The following CTNNA3 variants were observed in gnomAD, a reference collection of about 807,000 sequenced individuals.
CTNNA3 encodes the protein catenin alpha-3.
A neutral mutation model predicts 95.7 loss-of-function variants in CTNNA3; 76 were observed. The observed-to-expected ratio is 0.79, with a 90% CI of 0.66 to 0.96. CTNNA3 has a LOEUF of 0.96. Ranked by LOEUF, CTNNA3 falls within the 40% of genes least tolerant of loss-of-function variation. The pLI is 0.00. For synonymous variants in CTNNA3, 431 were observed against 374.4 expected (o/e 1.15, Z -1.74); for missense variants, 1,191 against 1,089.8 (o/e 1.09, Z -1.31).
intron 13 of CTNNA3, among the ~76,000 whole-genome samples, chr10:66,120,994 C>A (rs1283188743): frequency 1.3e-5 from 2 of 152,156 alleles, no homozygotes; most frequent in African/African-American, 4.8e-5. Context: ...GGTTTTCATA[C>A]ATTTCAAGCT....
intron 2 of CTNNA3, among the ~76,000 whole-genome samples, chr10:67,620,227 C>T (rs1359876723): frequency 6.6e-6 from 1 of 152,146 alleles, no homozygotes; most frequent in African/African-American, 2.4e-5. Context: ...GAACGCCCCA[C>T]AAAGCATATA....
chr10:67,604,108 G>A (rs936177650), intron 3 of CTNNA3, among the ~76,000 whole-genome samples: 6 of 152,194 alleles, frequency 3.9e-5, no homozygotes, highest in African/African-American at 1.4e-4. Flanking sequence ...GGATGCCTAG[G>A]TGTGTTGTAG....
At chr10:67,199,121 G>A (rs1324721279) in intron 6 of CTNNA3, among the ~76,000 whole-genome samples, 2 of 151,938 alleles carry the variant, frequency 1.3e-5, no homozygotes, top group Admixed American at 1.3e-4. Context: ...AGGAGGAACT[G>A]GGAAAAGAGA....
intron 9 of CTNNA3, among the ~76,000 whole-genome samples, chr10:66,695,655 A>G (rs1264268905): frequency 2.0e-5 from 3 of 152,198 alleles, no homozygotes; most frequent in Non-Finnish European, 4.4e-5. Flanking sequence ...CAAGGAAAGA[A>G]GTGATCCTGT....
intron 9 of CTNNA3, among the ~76,000 whole-genome samples, chr10:66,678,115 C>A (rs184607590): frequency 4.7e-4 from 71 of 152,258 alleles, no homozygotes; most frequent in African/African-American, 1.6e-3. Flanking sequence ...ATAATAATGA[C>A]AATGACAACA....
chr10:66,150,565 G>T (rs2133904306), intron 13 of CTNNA3, among the ~76,000 whole-genome samples: 1 of 151,746 alleles, frequency 6.6e-6, no homozygotes, highest in African/African-American at 2.4e-5. Context: ...TTTGATACCA[G>T]CATACGATGT....
chr10:67,661,200 T>A (rs763529825), intron 1 of CTNNA3, among the ~76,000 whole-genome samples: 1 of 148,418 alleles, frequency 6.7e-6, no homozygotes, highest in Non-Finnish European at 1.5e-5. Flanking sequence ...TAAAAAGTGA[T>A]GTATTCCCAA....
intron 13 of CTNNA3, among the ~76,000 whole-genome samples, chr10:66,136,677 T>C (rs1227542125): frequency 1.3e-5 from 2 of 151,994 alleles, no homozygotes; most frequent in African/African-American, 4.8e-5. Flanking sequence ...CTTCCAGCTA[T>C]TAATGTGACA....
Position 65,965,068 on chromosome 10 carries a change from T to A in CTNNA3, c.2400+1544A>T, listed in dbSNP as rs944179745. ...TGTTTATGTGGGATTTTTGATAAAA[T>A]TTGAATATCAAAGACACTATTTTTC... On this transcript the variant is annotated intron_variant, in intron 17 of 17. Transcript: ENST00000433211. Among the ~76,000 whole-genome samples, 7 of 152,312 alleles carry A rather than the reference T, an allele frequency of 4.6e-5. No homozygotes were observed. The East Asian group carries it at 1.4e-3, about 29-fold the overall frequency.
intron 15 of CTNNA3, among the ~76,000 whole-genome samples, chr10:66,061,166 C>G (rs572455318): frequency 6.6e-6 from 1 of 152,144 alleles, no homozygotes; most frequent in African/African-American, 2.4e-5. Context: ...AATCATAAAG[C>G]CTGACTTCTC....
At chr10:67,126,419 C>T (rs1283006797) in intron 7 of CTNNA3, among the ~76,000 whole-genome samples, 1 of 150,524 alleles carries the variant, frequency 6.6e-6, no homozygotes, top group Non-Finnish European at 1.5e-5. Context: ...CCCAGCTACT[C>T]GGGAGACTGA....
chr10:67,136,332 A>G (rs899649508), intron 7 of CTNNA3, among the ~76,000 whole-genome samples: 2 of 152,134 alleles, frequency 1.3e-5, no homozygotes. Flanking sequence ...TAAAAAGCAG[A>G]GAGTGTTGCT....
chr10:67,085,445 G>T (rs889762894), intron 7 of CTNNA3, among the ~76,000 whole-genome samples: 2 of 151,736 alleles, frequency 1.3e-5, no homozygotes, highest in Non-Finnish European at 2.9e-5. Flanking sequence ...ACACTGAGAA[G>T]AGCTATTCAC....
At chr10:66,360,640 TTTCTTTC>T (rs2092650879) in intron 12 of CTNNA3, among the ~76,000 whole-genome samples, 1 of 54,396 alleles carries the variant, frequency 1.8e-5, no homozygotes, top group African/African-American at 7.0e-5. Flanking sequence ...TCTTTCTTTC[TTTCTTTC>T]TTTCTTTCTT....
intron 5 of CTNNA3, among the ~76,000 whole-genome samples, chr10:67,493,262 T>C (rs1178792663): frequency 1.3e-5 from 2 of 150,892 alleles, no homozygotes; most frequent in Non-Finnish European, 1.5e-5. Context: ...ATAGCTTTTA[T>C]GTTAAGAGTT....
chr10:67,573,183 G>A (rs1229066140), intron 3 of CTNNA3, among the ~76,000 whole-genome samples: 1 of 152,184 alleles, frequency 6.6e-6, no homozygotes, highest in African/African-American at 2.4e-5. Flanking sequence ...TTACGAATTG[G>A]TGTATAGACA....
At chr10:67,216,518 T>G (rs1864368679) in intron 6 of CTNNA3, among the ~76,000 whole-genome samples, 1 of 152,202 alleles carries the variant, frequency 6.6e-6, no homozygotes, top group African/African-American at 2.4e-5. Context: ...TGCCGTATTA[T>G]TGCATTCATT....
In CTNNA3 at chr10:66,461,685, G is replaced by GTATATATA. The variant is rs141247399; in HGVS notation, c.1531+58924_1531+58931dup. Among the ~76,000 whole-genome samples the GTATATATA allele has an allele frequency of 7.6e-3, 1,068 of 140,096 alleles. 7 individuals are homozygous for GTATATATA. The highest frequency in any genetic ancestry group is 0.021 in the African/African-American group (761 of 36,488). The allele number at this position is 140,096 out of a possible 152,430, so 91.9% of individuals were successfully genotyped here. A position where few individuals can be genotyped will look rare whatever the true frequency, so the allele number is the denominator to read the frequency against. On this transcript the variant is annotated intron_variant, in intron 11 of 17. Coordinates refer to ENST00000433211, the MANE Select transcript of CTNNA3 (RefSeq NM_013266.4). Reference sequence around the variant, plus strand: ...GTTTGCACTCACGTTATATATATATGTATATATATATATATATATCAAGTG... The same window carrying GTATATATA: ...GTTTGCACTCACGTTATATATATATGTATATATATATATATATATATATATATCAAGTG...
At chr10:66,167,871 T>C (rs555685239) in intron 13 of CTNNA3, among the ~76,000 whole-genome samples, 1 of 152,184 alleles carries the variant, frequency 6.6e-6, no homozygotes, top group Non-Finnish European at 1.5e-5. Flanking sequence ...ACCAGAGGCA[T>C]CAAGTGTGTC....
Sources: allele counts gnomAD v4.1 joint callset (sites outside exome capture counted in the v4.1 genomes callset), GRCh38; gene constraint gnomAD v4.1.1; transcripts MANE v1.5; gene names NCBI Gene and HGNC (gene_info 2026-07-23, HGNC 2026-07-21).